HEPHL1: variants seen among roughly 807,000 people sequenced by gnomAD.
The protein encoded by HEPHL1 is hephaestin like 1.
Under a neutral mutation model 122.0 loss-of-function variants are expected in HEPHL1, and 123 were observed. The observed-to-expected ratio is 1.01, with a 90% CI of 0.87 to 1.17. The LOEUF is 1.17. HEPHL1 is among the 50% of genes most tolerant of loss of function. HEPHL1 has a pLI of 0.00. For missense variants in HEPHL1, 1,452 were observed against 1,430.5 expected (o/e 1.01, Z -0.24); for synonymous variants, 527 against 508.9 (o/e 1.04, Z -0.48).
At chr11:94,064,553 T>C (rs750865584) in intron 4 of HEPHL1, 43 bp downstream of exon 4, 7 of 1,288,434 alleles carry the variant, frequency 5.4e-6, no homozygotes, top group Non-Finnish European at 7.7e-6. Context: ...AGGCCTTTTA[T>C]ACTATAAGGT....
At chr11:94,075,473 A>G in intron 9 of HEPHL1, 88 bp downstream of exon 9, 1 of 937,130 alleles carries the variant, frequency 1.1e-6, no homozygotes, top group Non-Finnish European at 1.7e-6. Flanking sequence ...ATAGTCAGTT[A>G]CAAAAAGCAA....
At chr11:94,076,266 G>A (rs76864400) in intron 9 of HEPHL1, among the ~76,000 whole-genome samples, 2,280 of 152,144 alleles carry the variant, frequency 0.015, 63 homozygotes, top group African/African-American at 0.052. Flanking sequence ...AAGGCAAAGC[G>A]GAATGATTAT....
chr11:94,039,417 C>A (rs1303229686), intron 1 of HEPHL1, among the ~76,000 whole-genome samples: 2 of 151,946 alleles, frequency 1.3e-5, no homozygotes, highest in African/African-American at 4.8e-5. Context: ...ACAGAATATA[C>A]ATTTTTTTCA....
intron 2 of HEPHL1, among the ~76,000 whole-genome samples, chr11:94,050,992 T>C (rs1053097513): frequency 2.0e-5 from 3 of 152,102 alleles, no homozygotes; most frequent in African/African-American, 4.8e-5. Context: ...AAATTCTTTC[T>C]TGTGGCTGAA....
chr11:94,042,825 T>C (rs867420778), intron 1 of HEPHL1, among the ~76,000 whole-genome samples: 28 of 133,620 alleles, frequency 2.1e-4, no homozygotes, highest in South Asian at 5.0e-4. Context: ...TGTATACATA[T>C]GTAACTAACC....
Position 94,110,953 on chromosome 11 carries a change from C to G in HEPHL1, c.3096C>G (p.Phe1032Leu). 6.2e-7 allele frequency: 1 copy of G among 1,612,902 alleles called. No homozygotes were observed. The highest frequency in any genetic ancestry group is 8.5e-7 in the Non-Finnish European group (1 of 1,179,470). The change falls in exon 18 of 20, where the codon TTC becomes TTG. Residue 1032 changes from phenylalanine to leucine, a missense_variant. Coordinates refer to ENST00000315765, the MANE Select transcript of HEPHL1 (RefSeq NM_001098672.2). ...TGTATGATCTCTTTCCTGGGACATTCCAAACCATTGAACTGTTTGCAGATC... is the reference window on the plus strand; with the variant it reads ...TGTATGATCTCTTTCCTGGGACATTGCAAACCATTGAACTGTTTGCAGATC... The part of the protein sequence containing the change: ...EDVYDLFPGT[F>L]QTIELFADHP...
chr11:94,033,141 C>T (rs1185984448), intron 1 of HEPHL1, among the ~76,000 whole-genome samples: 15 of 152,154 alleles, frequency 9.9e-5, no homozygotes, highest in Admixed American at 9.8e-4. Context: ...GGGTGCTTTC[C>T]TTCCTTTTGT....
Position 94,098,801 on chromosome 11 carries a change from G to A in HEPHL1, c.2435-2394G>A, listed in dbSNP as rs957259875. ...CTGATACCCTTTCTTCCAGTTGATCGAATCGGCTACTGAAGCTTGTGCATT... is the reference window on the plus strand; with the variant it reads ...CTGATACCCTTTCTTCCAGTTGATCAAATCGGCTACTGAAGCTTGTGCATT... On this transcript the variant is annotated intron_variant, in intron 13 of 19. Transcript: ENST00000315765. Among the ~76,000 whole-genome samples the A allele has an allele frequency of 3.9e-5, 6 of 152,102 alleles. No homozygotes were observed. In the East Asian group the frequency reaches 5.8e-4, roughly 15 times the overall value.
At chr11:94,075,468 C>A in intron 9 of HEPHL1, 83 bp downstream of exon 9, 1 of 1,033,972 alleles carries the variant, frequency 9.7e-7, no homozygotes, top group Non-Finnish European at 1.5e-6. Flanking sequence ...CAGGAATAGT[C>A]AGTTACAAAA....
chr11:94,086,250 AGTTCTCC>A, intron 11 of HEPHL1, 61 bp downstream of exon 11: 1 of 1,267,924 alleles, frequency 7.9e-7, no homozygotes, highest in Non-Finnish European at 1.1e-6. Flanking sequence ...ATCCTCTTAG[AGTTCTCC>A]CACAGAAGAA....
chr11:94,077,109 G>A (rs1332872393), intron 9 of HEPHL1, among the ~76,000 whole-genome samples: 2 of 152,172 alleles, frequency 1.3e-5, no homozygotes, highest in Non-Finnish European at 2.9e-5. Flanking sequence ...TTTCTGAACT[G>A]TTTGAGAGTA....
At chr11:94,070,615 T>C in intron 6 of HEPHL1, 73 bp downstream of exon 6, 1 of 1,260,590 alleles carries the variant, frequency 7.9e-7, no homozygotes. Context: ...TGTGATCTAA[T>C]TTGTATTCCA....
intron 1 of HEPHL1, among the ~76,000 whole-genome samples, chr11:94,041,370 CTACTT>C (rs1239210217): frequency 1.4e-5 from 2 of 141,126 alleles, no homozygotes; most frequent in Non-Finnish European, 3.1e-5. Context: ...TTGGAAAAAA[CTACTT>C]TAAAGTTCAT....
chr11:94,032,594 A>G (rs1945685175), intron 1 of HEPHL1, among the ~76,000 whole-genome samples: 1 of 152,206 alleles, frequency 6.6e-6, no homozygotes, highest in Non-Finnish European at 1.5e-5. Flanking sequence ...ACTGAAGCCT[A>G]TAAGGTTGTT....
chr11:94,069,554 T>C (rs1251512205), intron 5 of HEPHL1, among the ~76,000 whole-genome samples: 1 of 152,214 alleles, frequency 6.6e-6, no homozygotes, highest in Non-Finnish European at 1.5e-5. Context: ...AATCAGTCTA[T>C]TAATGCTGCA....
chr11:94,032,456 C>T (rs1057460446), intron 1 of HEPHL1, among the ~76,000 whole-genome samples: 1 of 152,174 alleles, frequency 6.6e-6, no homozygotes. Context: ...GCTGCGCTCT[C>T]TTTAAATTAT....
intron 10 of HEPHL1, among the ~76,000 whole-genome samples, chr11:94,085,649 C>A (rs1460988729): frequency 6.6e-6 from 1 of 152,088 alleles, no homozygotes; most frequent in Non-Finnish European, 1.5e-5. Flanking sequence ...AGGAAAATAA[C>A]CACAAAAGAA....
chr11:94,067,776 A>G, intron 5 of HEPHL1, 26 bp downstream of exon 5: 1 of 1,610,110 alleles, frequency 6.2e-7, no homozygotes. Flanking sequence ...ACCAGAGTTG[A>G]TATGTTTAGA....
intron 1 of HEPHL1, among the ~76,000 whole-genome samples, chr11:94,030,735 G>T (rs1426687318): frequency 6.6e-6 from 1 of 152,190 alleles, no homozygotes; most frequent in African/African-American, 2.4e-5. Context: ...AAGGTCCAGG[G>T]GTCAGGCATC....
Sources: gnomAD v4.1 joint callset for allele counts (sites outside exome capture counted in the v4.1 genomes callset) on GRCh38, gnomAD v4.1.1 for gene constraint, MANE v1.5 for transcripts, NCBI Gene and HGNC (gene_info 2026-07-23, HGNC 2026-07-21) for gene names.